ATP11B: variants seen among roughly 807,000 people sequenced by gnomAD.
ATP11B encodes the protein ATPase phospholipid transporting 11B (putative).
In ATP11B, 81 loss-of-function variants were observed where a neutral mutation model predicts 157.8. The observed-to-expected ratio is 0.51, with a 90% CI of 0.43 to 0.62. The LOEUF is 0.62. ATP11B is among the 20% of genes least tolerant of loss of function. The pLI is 0.00. For synonymous variants in ATP11B, 451 were observed against 469.4 expected (o/e 0.96, Z 0.51); for missense variants, 1,165 against 1,402.2 (o/e 0.83, Z 2.70).
intron 12 of ATP11B, among the ~76,000 whole-genome samples, chr3:182,860,821 CTT>C (rs1227181614): frequency 1.3e-5 from 2 of 152,092 alleles, no homozygotes; most frequent in African/African-American, 4.8e-5. Context: ...AAAATTGCCT[CTT>C]ATCCCATTTC....
intron 13 of ATP11B, 84 bp downstream of exon 13, chr3:182,865,782 T>G: frequency 9.3e-7 from 1 of 1,079,198 alleles, no homozygotes. Flanking sequence ...AAAAAAAGTT[T>G]GTGTCAGTAG....
chr3:182,823,823 CTT>C (rs1717536549), intron 2 of ATP11B, among the ~76,000 whole-genome samples: 2 of 151,800 alleles, frequency 1.3e-5, no homozygotes, highest in Non-Finnish European at 2.9e-5. Context: ...CTCTTGAAAA[CTT>C]TAGGTTTTTT....
At chr3:182,892,112 TGCTG>T (rs1451828694) in intron 25 of ATP11B, among the ~76,000 whole-genome samples, 1 of 152,194 alleles carries the variant, frequency 6.6e-6, no homozygotes, top group East Asian at 1.9e-4. Flanking sequence ...AAAATCACCT[TGCTG>T]GCTCTCAGAA....
Position 182,897,319 on chromosome 3 carries a change from A to AT in ATP11B, c.3070dup (p.Trp1024LeufsTer64). The AT allele has an allele frequency of 6.4e-7, 1 of 1,571,248 alleles. No individual in the cohort carries two copies. The highest frequency in any genetic ancestry group is 8.6e-7 in the Non-Finnish European group (1 of 1,167,374). On this transcript the variant is annotated frameshift_variant, in exon 27 of 30. Transcript: ENST00000323116. LOFTEE classifies it high-confidence loss of function. ...TTTTTTTAGATGGCTCTGGAAACTC[A>AT]TTTTTGGACTTGGATCAACCATCTC...
Position 182,867,518 on chromosome 3 carries a change from T to C in ATP11B, c.1688+74T>C, listed in dbSNP as rs1438215034. 9 of 974,372 alleles carry C rather than the reference T, an allele frequency of 9.2e-6. No individual in the cohort carries two copies. In the African/African-American group the frequency reaches 1.5e-4, roughly 16 times the overall value. The allele number at this position is 974,372 out of a possible 1,614,324, so 60.4% of individuals were successfully genotyped here. ...GTATAGAATAAGGATCAGTAAACTG[T>C]AGCTCACAGGGCAAATGTGGCCTAT... On this transcript the variant is annotated intron_variant, in intron 15 of 29. Transcript: ENST00000323116.
At chr3:182,913,753 G>C (rs1332996408) in intron 28 of ATP11B, 108 bp from the exon 29 acceptor site, 3 of 1,559,474 alleles carry the variant, frequency 1.9e-6, no homozygotes, top group African/African-American at 1.4e-5. Context: ...AAAACATGTA[G>C]GTTTATATAT....
chr3:182,866,160 A>G (rs1449656255), intron 13 of ATP11B, 108 bp from the exon 14 acceptor site: 2 of 802,300 alleles, frequency 2.5e-6, no homozygotes, highest in Admixed American at 3.6e-5. Context: ...TATTCAGGCA[A>G]TCAAGGTTGT....
At chr3:182,850,007 G>A (rs116446823) in intron 10 of ATP11B, among the ~76,000 whole-genome samples, 35 of 152,162 alleles carry the variant, frequency 2.3e-4, no homozygotes, top group African/African-American at 7.5e-4. Flanking sequence ...TCATGGAGCC[G>A]AAGAGAAATG....
At chr3:182,798,481 G>C (rs903930596) in intron 1 of ATP11B, among the ~76,000 whole-genome samples, 3 of 152,190 alleles carry the variant, frequency 2.0e-5, no homozygotes, top group African/African-American at 7.2e-5. Context: ...TAAGAACCTA[G>C]ATCTGTGAGT....
rs542640028 is a variant in ATP11B at position 182,867,570 on chromosome 3, G to A, written c.1688+126G>A. On this transcript the variant is annotated intron_variant, in intron 15 of 29. Coordinates refer to ENST00000323116, the MANE Select transcript of ATP11B (RefSeq NM_014616.3). ...TTTTCTGTTTTTCTACAGCCCACAA[G>A]TCACATTACTTTTTTTTTTTTTTTT... 238 of 332,842 alleles carry A rather than the reference G, an allele frequency of 7.2e-4. 1 individual carries two copies. The East Asian group carries it at 0.013, about 18-fold the overall frequency. The allele number at this position is 332,842 out of a possible 1,614,324, so 20.6% of individuals were successfully genotyped here.
intron 22 of ATP11B, among the ~76,000 whole-genome samples, chr3:182,885,748 C>T (rs1329080939): frequency 6.6e-6 from 1 of 152,006 alleles, no homozygotes. Context: ...CTGATGTCTG[C>T]ACTGTTGCTT....
In ATP11B at chr3:182,867,362, CT is replaced by C; in HGVS notation, c.1620-10del. 1.3e-6 allele frequency: 2 copies of C among 1,555,402 alleles called. No individual in the cohort carries two copies. Among genetic ancestry groups the C allele is most frequent in the Non-Finnish European group, 1.8e-6 (2 of 1,128,246 alleles). ...ATTTCTTAAGTCTCACTTTTTTATCCTTTTGATGTCTAGGATTGGTATTGTG... is the reference window on the plus strand; with the variant it reads ...ATTTCTTAAGTCTCACTTTTTTATCCTTTGATGTCTAGGATTGGTATTGTG... On this transcript the variant is annotated splice_polypyrimidine_tract_variant and intron_variant, in intron 14 of 29. Coordinates refer to ENST00000323116, the MANE Select transcript of ATP11B (RefSeq NM_014616.3).
At chr3:182,835,883 T>TA (rs1290662079) in intron 4 of ATP11B, 152 bp from the exon 5 acceptor site, 1 of 516,344 alleles carries the variant, frequency 1.9e-6, no homozygotes, top group South Asian at 3.5e-5. Context: ...TAGGAACAAA[T>TA]ATCAGATACC....
In ATP11B at chr3:182,865,086, A is replaced by C. The variant is rs112050130; in HGVS notation, c.1201-370A>C. On this transcript the variant is annotated intron_variant, in intron 12 of 29. Transcript: ENST00000323116. ...ACTCGGATACCCTTTCCCATTCTACATTATTAAGCATCCTTTCCACCCTGC... is the reference window on the plus strand; with the variant it reads ...ACTCGGATACCCTTTCCCATTCTACCTTATTAAGCATCCTTTCCACCCTGC... Among the ~76,000 whole-genome samples the C allele has an allele frequency of 5.1e-3, 779 of 152,166 alleles. 3 individuals carry two copies. The highest frequency in any genetic ancestry group is 0.01 in the Middle Eastern group (3 of 294).
In ATP11B at chr3:182,889,520, A is replaced by G; in HGVS notation, c.2954A>G (p.Lys985Arg). 1 of 1,564,224 alleles carries G rather than the reference A, an allele frequency of 6.4e-7. No homozygotes were observed. The highest frequency in any genetic ancestry group is 8.6e-7 in the Non-Finnish European group (1 of 1,163,298). The change falls in exon 25 of 30, where the codon AAA (lysine) becomes AGA (arginine). Residue 985 changes from lysine (K) to arginine (R), a missense_variant. By Grantham distance (26) the Lys-to-Arg change is conservative. Coordinates refer to ENST00000323116, the MANE Select transcript of ATP11B (RefSeq NM_014616.3). ...TTTGGATCCTATTTACTAATAGGGA[A>G]AGATACATCTCTGCTTGGAAATGGC... ...FFFGSYLLIG[K>R]DTSLLGNGQM...
intron 23 of ATP11B, 135 bp from the exon 24 acceptor site, chr3:182,887,451 A>C (rs891751084): frequency 1.7e-6 from 1 of 601,928 alleles, no homozygotes; most frequent in African/African-American, 1.9e-5. Flanking sequence ...AGAATTATTT[A>C]ATTGGAGTTA....
At chr3:182,811,805 A>C (rs1576956836) in intron 1 of ATP11B, among the ~76,000 whole-genome samples, 1 of 152,190 alleles carries the variant, frequency 6.6e-6, no homozygotes, top group East Asian at 1.9e-4. Context: ...CTTTCATTGT[A>C]GGTAAGAGCA....
chr3:182,836,943 T>C (rs1181312380), intron 6 of ATP11B, 128 bp from the exon 7 acceptor site: 4 of 654,140 alleles, frequency 6.1e-6, no homozygotes, highest in Non-Finnish European at 1.1e-5. Context: ...CTTTCTCTTC[T>C]GTTGTCTAGC....
intron 12 of ATP11B, among the ~76,000 whole-genome samples, chr3:182,862,175 G>A (rs1412389982): frequency 6.6e-6 from 1 of 152,130 alleles, no homozygotes; most frequent in East Asian, 1.9e-4. Flanking sequence ...AGCTACCTGG[G>A]AGGCTAAGGT....
Sources: allele counts gnomAD v4.1 joint callset (sites outside exome capture counted in the v4.1 genomes callset), GRCh38; gene constraint gnomAD v4.1.1; transcripts MANE v1.5; gene names NCBI Gene and HGNC (gene_info 2026-07-23, HGNC 2026-07-21).